The following PHTF2 variants were observed in gnomAD, a reference collection of about 807,000 sequenced individuals.
The protein encoded by PHTF2 is putative homeodomain transcription factor 2, also known as protein PHTF2.
In PHTF2, 60 loss-of-function variants were observed where a neutral mutation model predicts 101.2. The ratio of observed to expected loss-of-function variants is 0.59; its 90% CI spans 0.48 to 0.73. PHTF2 has a LOEUF of 0.73. Among genes scored for constraint, PHTF2 ranks in the 30% least tolerant of loss-of-function variants. The pLI is 0.00. For missense variants in PHTF2, 747 were observed against 908.7 expected, an observed-to-expected ratio of 0.82 and a Z score of 2.29; for synonymous variants, 311 against 307.3, an observed-to-expected ratio of 1.01 and a Z score of -0.13.
At chr7:77,807,021 C>G (rs1427836183) in intron 1 of PHTF2, among the ~76,000 whole-genome samples, 1 of 152,154 alleles carries the variant, frequency 6.6e-6, no homozygotes, top group African/African-American at 2.4e-5. Context: ...GATTTAAACA[C>G]ACATACACAC....
chr7:77,914,676 T>A (rs1802737087), intron 9 of PHTF2, among the ~76,000 whole-genome samples: 2 of 152,132 alleles, frequency 1.3e-5, no homozygotes, highest in Admixed American at 1.3e-4. Context: ...ATCACAGTTT[T>A]GTTGTCTCTA....
intron 2 of PHTF2, among the ~76,000 whole-genome samples, chr7:77,842,676 C>T (rs1426900428): frequency 6.6e-6 from 1 of 152,166 alleles, no homozygotes; most frequent in Non-Finnish European, 1.5e-5. Flanking sequence ...CCAAAGTTCT[C>T]CCACTCCTCA....
At chr7:77,901,454 T>G (rs944039240) in intron 6 of PHTF2, among the ~76,000 whole-genome samples, 4 of 69,996 alleles carry the variant, frequency 5.7e-5, no homozygotes, top group African/African-American at 1.2e-4. Flanking sequence ...TGAGATCCTA[T>G]CTCAACAAAC....
intron 3 of PHTF2, among the ~76,000 whole-genome samples, chr7:77,856,517 A>G (rs891927416): frequency 1.3e-5 from 2 of 151,976 alleles, no homozygotes; most frequent in Non-Finnish European, 2.9e-5. Flanking sequence ...CACCACACCC[A>G]GATCATTTTT....
chr7:77,864,861 T>C (rs990582273), intron 3 of PHTF2, among the ~76,000 whole-genome samples: 19 of 152,144 alleles, frequency 1.2e-4, no homozygotes, highest in African/African-American at 4.3e-4. Flanking sequence ...AGGTCACCAC[T>C]GTGTTGCTTG....
chr7:77,945,050 C>T (rs961284357), intron 16 of PHTF2, among the ~76,000 whole-genome samples: 2 of 152,156 alleles, frequency 1.3e-5, no homozygotes, highest in Non-Finnish European at 1.5e-5. Context: ...ATAAGAATTA[C>T]AGGAGGAGGC....
intron 6 of PHTF2, among the ~76,000 whole-genome samples, chr7:77,901,336 A>C (rs937234261): frequency 6.6e-6 from 1 of 152,178 alleles, no homozygotes; most frequent in African/African-American, 2.4e-5. Flanking sequence ...AAAAAGAGAG[A>C]ATGGGACCAG....
chr7:77,926,461 C>T (rs1380632390), intron 11 of PHTF2, among the ~76,000 whole-genome samples: 1 of 152,010 alleles, frequency 6.6e-6, no homozygotes, highest in East Asian at 1.9e-4. Context: ...AGCCCTCCTC[C>T]CACAAACACT....
chr7:77,849,661 G>T (rs1158091653), intron 2 of PHTF2, among the ~76,000 whole-genome samples: 1 of 152,150 alleles, frequency 6.6e-6, no homozygotes, highest in Non-Finnish European at 1.5e-5. Context: ...TAGTATGCAC[G>T]TTTTAACAAT....
At chr7:77,859,315 CTG>C (rs1797429263) in intron 3 of PHTF2, among the ~76,000 whole-genome samples, 1 of 152,128 alleles carries the variant, frequency 6.6e-6, no homozygotes, top group Non-Finnish European at 1.5e-5. Flanking sequence ...TGAAGGATAA[CTG>C]AAGTATATTT....
chr7:77,915,188 C>T (rs1004083917), intron 9 of PHTF2, among the ~76,000 whole-genome samples: 2 of 151,542 alleles, frequency 1.3e-5, no homozygotes, highest in East Asian at 3.9e-4. Context: ...GGATTACAGG[C>T]GTGAGTCACC....
At position 77,902,646 on chromosome 7, in the gene PHTF2, C is replaced by T. The variant is rs146106831; in HGVS notation, c.445+726C>T. The stretch of plus-strand genomic sequence containing the variant: ...TTTAGAAACTAAAGAAGAAACTATT[C>T]ATATTCCATCACGTGAACAAAGCCG... On this transcript the variant is annotated intron_variant, in intron 7 of 19. Coordinates refer to ENST00000416283, the Ensembl canonical transcript of PHTF2. 9.8e-3 allele frequency among the ~76,000 whole-genome samples: 1,493 copies of T among 152,072 alleles called. 11 individuals are homozygous for T. The highest frequency in any genetic ancestry group is 0.037 in the Middle Eastern group (11 of 294).
intron 3 of PHTF2, among the ~76,000 whole-genome samples, chr7:77,873,449 T>G (rs1798683680): frequency 6.6e-6 from 1 of 152,184 alleles, no homozygotes; most frequent in East Asian, 1.9e-4. Flanking sequence ...TCAGTCACAC[T>G]ATCAACCCCC....
At position 77,893,967 on chromosome 7, in the gene PHTF2, C is replaced by G; in HGVS notation, c.205-15C>G. The G allele has an allele frequency of 6.3e-7, 1 of 1,591,486 alleles. No individual in the cohort carries two copies. Among genetic ancestry groups the G allele is most frequent in the East Asian group, 2.2e-5 (1 of 44,698 alleles). Reference sequence around the variant, plus strand: ...TGCTTTTTCTCCCTTTTGATGCTGTCATTGCTCTGTACAGTTTATTAAACT... The same window carrying G: ...TGCTTTTTCTCCCTTTTGATGCTGTGATTGCTCTGTACAGTTTATTAAACT... On this transcript the variant is annotated splice_polypyrimidine_tract_variant and intron_variant, in intron 4 of 19. Coordinates refer to ENST00000416283, the Ensembl canonical transcript of PHTF2.
exon 17 of PHTF2, chr7:77,949,776 C>A: frequency 6.5e-7 from 1 of 1,544,870 alleles, no homozygotes; most frequent in Non-Finnish European, 8.9e-7. Flanking sequence ...GATTTGTTAC[C>A]CTTGGATCAG....
chr7:77,856,962 A>G (rs1321550385), intron 3 of PHTF2, among the ~76,000 whole-genome samples: 1 of 152,142 alleles, frequency 6.6e-6, no homozygotes, highest in African/African-American at 2.4e-5. Flanking sequence ...ATGACTTGCA[A>G]TATAACAGAT....
At chr7:77,864,106 T>G (rs1250698936) in intron 3 of PHTF2, among the ~76,000 whole-genome samples, 1 of 152,152 alleles carries the variant, frequency 6.6e-6, no homozygotes, top group Non-Finnish European at 1.5e-5. Flanking sequence ...TTTAGGAAAC[T>G]CTGCATCATG....
At chr7:77,826,698 C>T (rs1401531341) in intron 1 of PHTF2, among the ~76,000 whole-genome samples, 1 of 152,158 alleles carries the variant, frequency 6.6e-6, no homozygotes, top group East Asian at 1.9e-4. Flanking sequence ...TAGGAAAGGT[C>T]TTTATTTTGG....
At chr7:77,895,497 A>AGC (rs1463954048) in intron 5 of PHTF2, among the ~76,000 whole-genome samples, 2 of 152,162 alleles carry the variant, frequency 1.3e-5, no homozygotes, top group Non-Finnish European at 2.9e-5. Context: ...TTTGACAGTT[A>AGC]GAAAGCCTTT....
Sources: gnomAD v4.1 joint callset for allele counts (sites outside exome capture counted in the v4.1 genomes callset) on GRCh38, gnomAD v4.1.1 for gene constraint, MANE v1.5 for transcripts, NCBI Gene and HGNC (gene_info 2026-07-23, HGNC 2026-07-21) for gene names.